The following PUDP variants were observed in gnomAD, a reference collection of about 807,000 sequenced individuals.
The protein encoded by PUDP is pseudouridine-5'-phosphatase.
Under a neutral mutation model 9.4 loss-of-function variants are expected in PUDP, and 8 were observed. The observed-to-expected ratio is 0.85, with a 90% CI of 0.50 to 1.53. PUDP has a LOEUF of 1.53. Ranked by LOEUF, PUDP falls within the 40% of genes most tolerant of loss-of-function variation. The pLI is 0.00. For synonymous variants in PUDP, 99 were observed against 80.7 expected, an observed-to-expected ratio of 1.23 and a Z score of -1.22; for missense variants, 188 against 189.7, an observed-to-expected ratio of 0.99 and a Z score of 0.05.
At position 6,746,294 on chromosome X, in the gene PUDP, TTC is replaced by T. The variant is rs749001755; in HGVS notation, c.*248-39830_*248-39829del. Among the ~76,000 whole-genome samples the T allele has an allele frequency of 2.7e-5, 3 of 112,216 alleles. No individual in the cohort carries two copies. In the South Asian group the frequency reaches 1.1e-3, roughly 41 times the overall value. On this transcript the variant is annotated intron_variant and NMD_transcript_variant, in intron 3 of 3. Transcript: ENST00000655425. The stretch of plus-strand genomic sequence containing the variant: ...TCTGTCAGTGCCTCCCTTGAGAAAT[TTC>T]TCTTATTTTTACTTGTGCCACAAAC...
intron 1 of PUDP, among the ~76,000 whole-genome samples, chrX:7,141,218 G>C (rs553510383): frequency 1.8e-5 from 2 of 112,885 alleles, no homozygotes; most frequent in South Asian, 7.2e-4. Context: ...GTCAGAAGCT[G>C]ATAGGCTGAA....
chrX:6,861,375 G>A (rs917235809), intron 3 of PUDP, among the ~76,000 whole-genome samples: 5 of 111,504 alleles, frequency 4.5e-5, no homozygotes, highest in Admixed American at 9.5e-5. Flanking sequence ...ATTAAAGGGA[G>A]GTTTTTAACT....
chrX:6,779,883 C>T (rs904409875), intron 3 of PUDP, among the ~76,000 whole-genome samples: 6 of 110,952 alleles, frequency 5.4e-5, no homozygotes, highest in South Asian at 3.9e-4. Flanking sequence ...GCTATGTTCA[C>T]GCCACTGCAC....
intron 1 of PUDP, among the ~76,000 whole-genome samples, chrX:7,034,731 A>AT (rs1455393035): frequency 9.0e-6 from 1 of 111,519 alleles, no homozygotes; most frequent in Non-Finnish European, 1.9e-5. Context: ...GGACTGGCCC[A>AT]TACCGCCCTC....
chrX:6,893,260 G>A (rs1324604489), intron 3 of PUDP, among the ~76,000 whole-genome samples: 1 of 111,887 alleles, frequency 8.9e-6, no homozygotes, highest in African/African-American at 3.2e-5. Flanking sequence ...ACGTGACCTT[G>A]AACCCGATTT....
intron 3 of PUDP, among the ~76,000 whole-genome samples, chrX:6,913,895 A>G (rs1012860578): frequency 9.0e-6 from 1 of 111,079 alleles, no homozygotes. Flanking sequence ...GTTTCTCAAG[A>G]TCTGTGCCCC....
intron 3 of PUDP, among the ~76,000 whole-genome samples, chrX:6,810,371 G>A (rs781600197): frequency 3.6e-5 from 4 of 111,435 alleles, no homozygotes; most frequent in South Asian, 3.8e-4. Context: ...GGTACTTCCC[G>A]GGCTATGACA....
At chrX:6,828,297 C>T (rs1389671705) in intron 3 of PUDP, among the ~76,000 whole-genome samples, 1 of 111,685 alleles carries the variant, frequency 9.0e-6, no homozygotes, top group Non-Finnish European at 1.9e-5. Flanking sequence ...TCAGAATTCA[C>T]ATGGAACAGA....
intron 3 of PUDP, among the ~76,000 whole-genome samples, chrX:6,787,795 T>C (rs1925671597): frequency 8.9e-6 from 1 of 112,433 alleles, no homozygotes; most frequent in African/African-American, 3.2e-5. Context: ...TGTTTGCTTT[T>C]ATTTTAAGCT....
intron 3 of PUDP, among the ~76,000 whole-genome samples, chrX:6,889,847 A>C (rs1927486807): frequency 9.0e-6 from 1 of 111,234 alleles, no homozygotes; most frequent in South Asian, 3.8e-4. Flanking sequence ...TACAGGCAAC[A>C]GAGAATAAGG....
chrX:7,010,380 A>ACTGCACCACTGTGGATG (rs1369234158), intron 1 of PUDP, among the ~76,000 whole-genome samples: 2 of 111,943 alleles, frequency 1.8e-5, no homozygotes, highest in East Asian at 2.8e-4. Context: ...CACTATGGAC[A>ACTGCACCACTGTGGATG]CTGCACCACT....
intron 1 of PUDP, among the ~76,000 whole-genome samples, chrX:7,146,119 T>A (rs1196617594): frequency 9.0e-6 from 1 of 110,707 alleles, no homozygotes; most frequent in African/African-American, 3.3e-5. Flanking sequence ...AAGGAGGAAA[T>A]GGGCAGAAAA....
chrX:6,798,608 T>G (rs1206340337), intron 3 of PUDP, among the ~76,000 whole-genome samples: 1 of 112,035 alleles, frequency 8.9e-6, no homozygotes, highest in Non-Finnish European at 1.9e-5. Context: ...AATAGTTTGG[T>G]TCTGTCTCAT....
chrX:6,995,715 C>T (rs1379856907), intron 1 of PUDP, among the ~76,000 whole-genome samples: 1 of 108,965 alleles, frequency 9.2e-6, no homozygotes, highest in Non-Finnish European at 1.9e-5. Flanking sequence ...CAGAACAAGA[C>T]TGTGTCACAA....
At chrX:6,783,524 A>G (rs1229316369) in intron 3 of PUDP, among the ~76,000 whole-genome samples, 1 of 111,775 alleles carries the variant, frequency 8.9e-6, no homozygotes, top group Non-Finnish European at 1.9e-5. Flanking sequence ...GGATTTAGTG[A>G]ACACTGGATT....
intron 3 of PUDP, among the ~76,000 whole-genome samples, chrX:6,952,795 C>T (rs1928575446): frequency 9.0e-6 from 1 of 111,608 alleles, no homozygotes; most frequent in South Asian, 3.8e-4. Flanking sequence ...ATTTATGAAC[C>T]AGGAGGTGAG....
upstream of PUDP, among the ~76,000 whole-genome samples, chrX:6,723,663 C>T (rs754950358): frequency 2.1e-5 from 2 of 97,154 alleles, no homozygotes; most frequent in African/African-American, 8.2e-5. Flanking sequence ...CCTAACAAAA[C>T]CCCACCAAAA....
intron 1 of PUDP, among the ~76,000 whole-genome samples, chrX:7,125,282 T>C (rs1290825534): frequency 2.7e-5 from 3 of 111,887 alleles, no homozygotes; most frequent in African/African-American, 9.7e-5. Context: ...TTCCTATTGA[T>C]GCACCATGAT....
At chrX:7,075,741 T>C (rs1267454169) in intron 3 of PUDP, among the ~76,000 whole-genome samples, 1 of 111,508 alleles carries the variant, frequency 9.0e-6, no homozygotes, top group Non-Finnish European at 1.9e-5. Context: ...CAGGGGAGCA[T>C]TGCAACCACC....
Sources: allele counts gnomAD v4.1 joint callset (sites outside exome capture counted in the v4.1 genomes callset), GRCh38; gene constraint gnomAD v4.1.1; transcripts MANE v1.5; gene names NCBI Gene and HGNC (gene_info 2026-07-23, HGNC 2026-07-21).